The following SLC36A1 variants were observed in gnomAD, a reference collection of about 807,000 sequenced individuals.
SLC36A1 encodes proton-coupled amino acid transporter 1.
SLC36A1 carries 30 observed loss-of-function variants against 47.5 expected under a neutral mutation model. The observed-to-expected ratio is 0.63, with a 90% CI of 0.47 to 0.86. SLC36A1 has a LOEUF of 0.86. SLC36A1 is among the 40% of genes least tolerant of loss of function. The pLI is 0.00. For synonymous variants in SLC36A1, 255 were observed against 249.7 expected, an observed-to-expected ratio of 1.02 and a Z score of -0.20; for missense variants, 517 against 606.0, an observed-to-expected ratio of 0.85 and a Z score of 1.54.
chr5:151,554,792 T>A, the SLC36A1 span: 1 of 789,558 alleles, frequency 1.3e-6, no homozygotes, highest in Non-Finnish European at 2.0e-6. Context: ...CTTTTTATTA[T>A]CATAACTTCA....
chr5:151,436,900 C>T (rs1367377088), upstream of SLC36A1: 1 of 151,048 alleles, frequency 6.6e-6, no homozygotes, highest in Non-Finnish European at 1.5e-5. Context: ...TGGTCTCAGA[C>T]TTTTTTTTTG....
the SLC36A1 span, among the ~76,000 whole-genome samples, chr5:151,398,828 C>T: frequency 2.0e-5 from 3 of 152,036 alleles, no homozygotes; most frequent in Non-Finnish European, 4.4e-5. Flanking sequence ...CACTTTTAGC[C>T]CTTGGCTTCA....
the SLC36A1 span, chr5:151,545,979 C>A: frequency 6.2e-7 from 1 of 1,614,170 alleles, no homozygotes; most frequent in Non-Finnish European, 8.5e-7. Context: ...GGTCCAATTT[C>A]TTCTGGGTGG....
chr5:151,456,690 C>T lies in SLC36A1; in HGVS notation c.-5-2098C>T, dbSNP rs558855483. 4.6e-5 allele frequency among the ~76,000 whole-genome samples: 7 copies of T among 152,300 alleles called. No individual in the cohort carries two copies. In the East Asian group the frequency reaches 7.7e-4, roughly 17 times the overall value. ...CTCTGGCAATGAAGCTAGGCAGGAT[C>T]GTCTCTGGGATTTCCAGGTCCTTTG... On this transcript the variant is annotated intron_variant, in intron 1 of 10. Transcript: ENST00000243389.
the SLC36A1 span, chr5:151,414,616 T>A: frequency 1.3e-5 from 2 of 152,244 alleles, no homozygotes; most frequent in South Asian, 2.1e-4. Flanking sequence ...TTGATTTGGA[T>A]GGAGCTGCTT....
At chr5:151,533,208 C>T in the SLC36A1 span, among the ~76,000 whole-genome samples, 1 of 152,072 alleles carries the variant, frequency 6.6e-6, no homozygotes, top group Non-Finnish European at 1.5e-5. Context: ...AAGTAGGGAG[C>T]ATCCTGTCCC....
chr5:151,420,708 A>G, the SLC36A1 span, among the ~76,000 whole-genome samples: 2 of 152,182 alleles, frequency 1.3e-5, no homozygotes, highest in South Asian at 4.1e-4. Flanking sequence ...GAATGTCCCT[A>G]TACGTATCCT....
chr5:151,468,271 A>ATATATATATATATATATATATTT (rs1756814576), intron 7 of SLC36A1, among the ~76,000 whole-genome samples: 1 of 90,100 alleles, frequency 1.1e-5, no homozygotes. Context: ...AAAAAAATAT[A>ATATATATATATATATATATATTT]TATATATATA....
the SLC36A1 span, chr5:151,543,577 T>C: frequency 1.2e-6 from 2 of 1,614,198 alleles, no homozygotes; most frequent in Non-Finnish European, 1.7e-6. Context: ...GATAGTATAA[T>C]CTATAGTGCC....
intron 8 of SLC36A1, among the ~76,000 whole-genome samples, chr5:151,474,032 C>A (rs1242830567): frequency 6.6e-6 from 1 of 151,578 alleles, no homozygotes; most frequent in Non-Finnish European, 1.5e-5. Flanking sequence ...TGGTGGCACA[C>A]GCCTATAATC....
At chr5:151,420,911 C>T in the SLC36A1 span, among the ~76,000 whole-genome samples, 2 of 147,908 alleles carry the variant, frequency 1.4e-5, no homozygotes, top group Non-Finnish European at 3.0e-5. Context: ...CGCTCTGTTG[C>T]CCAGGCTGGA....
the SLC36A1 span, among the ~76,000 whole-genome samples, chr5:151,501,010 CAGGAGAATGGGAGG>C: frequency 2.0e-5 from 3 of 152,178 alleles, no homozygotes; most frequent in African/African-American, 7.2e-5. Context: ...GTTCCCCATC[CAGGAGAATGGGAGG>C]CAGGGAGGTG....
intron 5 of SLC36A1, among the ~76,000 whole-genome samples, chr5:151,465,831 G>C (rs577847797): frequency 7.9e-5 from 12 of 152,032 alleles, no homozygotes; most frequent in Non-Finnish European, 1.8e-4. Context: ...TTGGAGGTGG[G>C]AAGTATTTGC....
At chr5:151,423,961 G>C in the SLC36A1 span, among the ~76,000 whole-genome samples, 1 of 140,082 alleles carries the variant, frequency 7.1e-6, no homozygotes, top group Non-Finnish European at 1.5e-5. Flanking sequence ...GAAAAAATAC[G>C]ATCTATTAAA....
chr5:151,509,774 A>C, the SLC36A1 span: 2 of 452,480 alleles, frequency 4.4e-6, no homozygotes, highest in Non-Finnish European at 8.0e-6. Context: ...AATAAATGTC[A>C]TGTGCTTGAA....
the SLC36A1 span, among the ~76,000 whole-genome samples, chr5:151,345,027 A>G: frequency 1.3e-5 from 2 of 152,170 alleles, no homozygotes; most frequent in Non-Finnish European, 2.9e-5. Flanking sequence ...CCTCCCCCAA[A>G]CAAAAACTCA....
At chr5:151,458,524 C>T (rs35060330) in intron 1 of SLC36A1, among the ~76,000 whole-genome samples, 58,697 of 151,582 alleles carry the variant, frequency 0.39, 11,994 homozygotes, top group East Asian at 0.65. Context: ...AGCTGTACTC[C>T]GGAAAATTAA....
intron 10 of SLC36A1, 127 bp from the exon 11 acceptor site, chr5:151,487,856 A>G (rs928579915): frequency 3.5e-6 from 4 of 1,132,620 alleles, no homozygotes; most frequent in African/African-American, 3.1e-5. Flanking sequence ...TGAACTGGAC[A>G]ATGTCTAAGT....
At chr5:151,534,544 C>T in the SLC36A1 span, 2 of 1,614,140 alleles carry the variant, frequency 1.2e-6, no homozygotes, top group Admixed American at 3.3e-5. Flanking sequence ...AGGGTGATGT[C>T]TGCCTGGCAC....
Sources: allele counts gnomAD v4.1 joint callset (sites outside exome capture counted in the v4.1 genomes callset), GRCh38; gene constraint gnomAD v4.1.1; transcripts MANE v1.5; gene names NCBI Gene and HGNC (gene_info 2026-07-23, HGNC 2026-07-21).